APBB2: variants seen among roughly 807,000 people sequenced by gnomAD.
APBB2 encodes Fe65-like 1.
APBB2 carries 38 observed loss-of-function variants against 82.5 expected under a neutral mutation model. The observed-to-expected ratio is 0.46, with a 90% CI of 0.36 to 0.60. The LOEUF (loss-of-function observed/expected upper bound fraction) is 0.60, where lower values mean the gene tolerates loss of function less well. Ranked by LOEUF, APBB2 falls within the 20% of genes least tolerant of loss-of-function variation. The pLI is 0.00. For synonymous variants in APBB2, 341 were observed against 368.2 expected (o/e 0.93, Z 0.85); for missense variants, 772 against 972.3 (o/e 0.79, Z 2.74).
intron 3 of APBB2, among the ~76,000 whole-genome samples, chr4:41,096,982 C>A (rs1427864762): frequency 5.9e-5 from 9 of 152,202 alleles, no homozygotes; most frequent in African/African-American, 2.2e-4. Context: ...ATTAAGAATG[C>A]ACACAAAGGT....
chr4:40,881,220 G>C, intron 12 of APBB2: 1 of 985,384 alleles, frequency 1.0e-6, no homozygotes, highest in Non-Finnish European at 1.2e-6. Flanking sequence ...CAATACTATA[G>C]TGTAGGGAGA....
chr4:40,890,569 T>G, intron 11 of APBB2, 78 bp from the exon 12 acceptor site: 1 of 1,563,334 alleles, frequency 6.4e-7, no homozygotes, highest in Non-Finnish European at 8.7e-7. Flanking sequence ...CATCTAGGAA[T>G]GCCGTGTCAA....
intron 2 of APBB2, among the ~76,000 whole-genome samples, chr4:41,107,117 C>G (rs954352986): frequency 6.6e-6 from 1 of 152,118 alleles, no homozygotes; most frequent in African/African-American, 2.4e-5. Context: ...TGAGATCAGC[C>G]TGGCCAACAC....
In APBB2 at chr4:41,164,427, A is replaced by C. The variant is rs1301533693; in HGVS notation, c.-416-21285T>G. Reference sequence around the variant, plus strand: ...ATACACAAATAATTATCAGTAGTCTAGGACTACAGAGTTTCAAGACACTGA... The same window carrying C: ...ATACACAAATAATTATCAGTAGTCTCGGACTACAGAGTTTCAAGACACTGA... On this transcript the variant is annotated intron_variant, in intron 1 of 17. Coordinates refer to ENST00000508593, the MANE Select transcript of APBB2 (RefSeq NM_004307.2). Among the ~76,000 whole-genome samples, 7 of 152,340 alleles carry C rather than the reference A, an allele frequency of 4.6e-5. No homozygotes were observed. The South Asian group carries it at 1.2e-3, about 27-fold the overall frequency.
rs531594508 is a variant in APBB2 at position 41,078,338 on chromosome 4, G to A, written c.-148-12665C>T. 1.2e-4 allele frequency among the ~76,000 whole-genome samples: 18 copies of A among 152,190 alleles called. No individual in the cohort carries two copies. In the South Asian group the frequency reaches 2.7e-3, roughly 23 times the overall value. On this transcript the variant is annotated intron_variant, in intron 3 of 17. Transcript: ENST00000508593. ...TGGAAAACGGCAATGCAAATCCGTG[G>A]GCAAGAATTTGTAAGCTATATACAT...
At chr4:41,193,569 G>A in intron 1 of APBB2, 1 of 985,304 alleles carries the variant, frequency 1.0e-6, no homozygotes, top group African/African-American at 1.7e-5. Context: ...ACTCCCCAAG[G>A]TAAGCTACTT....
chr4:40,934,653 A>C lies in APBB2; in HGVS notation c.1154T>G (p.Phe385Cys), dbSNP rs202070684. 85 of 1,614,146 alleles carry C rather than the reference A, an allele frequency of 5.3e-5. No individual in the cohort carries two copies. Residue 385 changes from phenylalanine (F) to cysteine (C), a missense_variant, in exon 9 of 18, where the codon TTT becomes TGT. Coordinates refer to ENST00000508593, the MANE Select transcript of APBB2 (RefSeq NM_004307.2). ...TGCATAGCGTAGGGTTGCTCCTTCA[A>C]ACTCTTTTAAACTGGGGTCCGGGTT... The part of the protein sequence containing the change: ...TVNPDPSLKE[F>C]EGATLRYASL...
chr4:40,889,764 C>G (rs1442331562), intron 12 of APBB2, among the ~76,000 whole-genome samples: 1 of 152,138 alleles, frequency 6.6e-6, no homozygotes, highest in Non-Finnish European at 1.5e-5. Flanking sequence ...ATCTAAGATG[C>G]ATTTCTTATA....
chr4:40,844,070 T>A (rs1756770976), intron 12 of APBB2, among the ~76,000 whole-genome samples: 2 of 152,208 alleles, frequency 1.3e-5, no homozygotes, highest in South Asian at 2.1e-4. Context: ...ACAGGGAACA[T>A]TCCTCTCTTT....
chr4:41,142,892 T>C (rs1268737610), intron 2 of APBB2, 95 bp downstream of exon 2: 1 of 152,190 alleles, frequency 6.6e-6, no homozygotes, highest in Admixed American at 6.5e-5. Flanking sequence ...AAATAATCAT[T>C]TGGGGTGGTC....
chr4:41,195,364 CTCTT>C, intron 1 of APBB2, among the ~76,000 whole-genome samples: 5 of 152,200 alleles, frequency 3.3e-5, no homozygotes, highest in Admixed American at 3.3e-4. Flanking sequence ...CTTGACTCCT[CTCTT>C]TCTATCACAC....
At chr4:40,984,543 A>T (rs1183555535) in intron 6 of APBB2, among the ~76,000 whole-genome samples, 1 of 152,088 alleles carries the variant, frequency 6.6e-6, no homozygotes, top group Non-Finnish European at 1.5e-5. Context: ...CCCACTCAAG[A>T]ACATTTTATT....
intron 1 of APBB2, among the ~76,000 whole-genome samples, chr4:41,184,665 A>T (rs1772381832): frequency 6.6e-6 from 1 of 152,188 alleles, no homozygotes. Flanking sequence ...GCATTGCTAG[A>T]TCCCCCAATA....
At chr4:40,998,977 CT>C (rs1804390405) in intron 6 of APBB2, among the ~76,000 whole-genome samples, 1 of 152,022 alleles carries the variant, frequency 6.6e-6, no homozygotes, top group Non-Finnish European at 1.5e-5. Flanking sequence ...CAGCTTAAAA[CT>C]TATAGTTTAT....
chr4:41,158,812 A>G (rs1213714483), intron 1 of APBB2, among the ~76,000 whole-genome samples: 1 of 152,102 alleles, frequency 6.6e-6, no homozygotes, highest in African/African-American at 2.4e-5. Context: ...CCCTTTACCC[A>G]TCTGTCCCGT....
intron 12 of APBB2, chr4:40,881,516 A>ATCTTT (rs1482091515): frequency 2.1e-4 from 48 of 228,216 alleles, no homozygotes; most frequent in Non-Finnish European, 2.8e-4. Flanking sequence ...CTTTCCTTTT[A>ATCTTT]TCTTTTCTTT....
intron 12 of APBB2, among the ~76,000 whole-genome samples, chr4:40,845,597 A>AAC (rs1757263998): frequency 6.8e-6 from 1 of 147,326 alleles, no homozygotes; most frequent in South Asian, 2.1e-4. Flanking sequence ...TCAAAAAAAA[A>AAC]AAAAAAAAAA....
chr4:41,181,964 A>T (rs943793354), intron 1 of APBB2, among the ~76,000 whole-genome samples: 25 of 151,858 alleles, frequency 1.6e-4, no homozygotes, highest in Non-Finnish European at 3.4e-4. Context: ...AAAAAAAAGA[A>T]AAAGAAAAAA....
At chr4:40,982,734 T>G (rs1053063416) in intron 6 of APBB2, among the ~76,000 whole-genome samples, 2 of 151,292 alleles carry the variant, frequency 1.3e-5, no homozygotes, top group African/African-American at 2.4e-5. Context: ...GAGGTTGCAG[T>G]GAGCTGTGAT....
Sources: allele counts gnomAD v4.1 joint callset (sites outside exome capture counted in the v4.1 genomes callset), GRCh38; gene constraint gnomAD v4.1.1; transcripts MANE v1.5; gene names NCBI Gene and HGNC (gene_info 2026-07-23, HGNC 2026-07-21).